The following DISP3 variants were observed in gnomAD, a reference collection of about 807,000 sequenced individuals.
DISP3 encodes dispatched RND transporter family member 3.
DISP3 carries 101 observed loss-of-function variants against 135.3 expected under a neutral mutation model. That is an observed-to-expected ratio of 0.75 (90% CI 0.64 to 0.88). The LOEUF (loss-of-function observed/expected upper bound fraction) is 0.88. Among genes scored for constraint, DISP3 ranks in the 40% least tolerant of loss-of-function variants. The pLI is 0.00. For synonymous variants in DISP3, 856 were observed against 817.0 expected (o/e 1.05, Z -0.81); for missense variants, 1,713 against 1,878.6 (o/e 0.91, Z 1.63).
chr1:11,529,588 C>T lies in DISP3; in HGVS notation c.2831C>T (p.Pro944Leu). 2 of 1,598,762 alleles carry T rather than the reference C, an allele frequency of 1.3e-6. No individual in the cohort carries two copies. Among genetic ancestry groups the T allele is most frequent in the Non-Finnish European group, 1.7e-6 (2 of 1,169,342 alleles). ...TACTTCGCCCAGTCCCACAAGCCCC[C>T]CTTCCACGGGCGCGTATGCATGGCA... ...KLYFAQSHKPPFHGRVCMAPP... is the reference protein window; with the variant it reads ...KLYFAQSHKPLFHGRVCMAPP... The change falls in exon 14 of 21, where the codon CCC becomes CTC. Residue 944 changes from proline to leucine, a missense_variant. Pro to Leu is a moderately conservative substitution (Grantham distance 98). Coordinates refer to ENST00000294484, the MANE Select transcript of DISP3 (RefSeq NM_020780.2). The surrounding 1 kb of genome is among the most constrained non-coding windows in gnomAD (Gnocchi z 4.7).
chr1:11,502,077 C>T lies in DISP3; in HGVS notation c.1085C>T (p.Ala362Val), dbSNP rs1641555690. ...IYYDGMGQDL[A>V]DIRGSLELAM... ...TATGACGGCATGGGCCAGGACCTGG[C>T]GGACATCCGGGGTGAGCCGCCGGGA... Residue 362 changes from alanine to valine, a missense_variant, in exon 2 of 21, where the codon GCG becomes GTG. Physicochemically the swap from Ala to Val is moderately conservative, Grantham distance 64. Transcript: ENST00000294484. 5.1e-6 allele frequency: 8 copies of T among 1,561,216 alleles called. No individual in the cohort carries two copies. The highest frequency in any genetic ancestry group is 2.4e-5 in the South Asian group (2 of 83,924).
In DISP3 at chr1:11,526,726, G is replaced by C; in HGVS notation, c.2689G>C (p.Ala897Pro). ...GTCTACAGTAGGGCTGCTCCAGGCGGCGAGCCCCTCCCGCAAGTGGATGCT... is the reference window on the plus strand; with the variant it reads ...GTCTACAGTAGGGCTGCTCCAGGCGCCGAGCCCCTCCCGCAAGTGGATGCT... ...CMSTVGLLQA[A>P]SPSRKWMLTT... Residue 897 changes from alanine to proline, a missense_variant, in exon 13 of 21, where the codon GCG becomes CCG. This residue lies in a region of DISP3 where 1,142 missense variants were observed against 1,384.6 expected (regional missense o/e 0.82). Coordinates refer to ENST00000294484, the MANE Select transcript of DISP3 (RefSeq NM_020780.2). 1.2e-6 allele frequency: 2 copies of C among 1,614,028 alleles called. No homozygotes were observed. The highest frequency in any genetic ancestry group is 1.7e-6 in the Non-Finnish European group (2 of 1,180,036).
At chr1:11,528,339 T>C (rs563326854) in intron 13 of DISP3, among the ~76,000 whole-genome samples, 13 of 152,124 alleles carry the variant, frequency 8.5e-5, no homozygotes, top group Non-Finnish European at 1.9e-4. Flanking sequence ...GGGGCACCTT[T>C]TCTGGGGTTT....
rs749898545 is a variant in DISP3 at position 11,519,933 on chromosome 1, A to G, written c.2200+53A>G. On this transcript the variant is annotated intron_variant, in intron 9 of 20. Coordinates refer to ENST00000294484, the MANE Select transcript of DISP3 (RefSeq NM_020780.2). The surrounding 1 kb of genome is among the most constrained non-coding windows in gnomAD (Gnocchi z 4.3). The stretch of plus-strand genomic sequence containing the variant: ...TGTCTCACAGCTCCACCCCCAAAAC[A>G]CACAGGAACTGGGAGCCCACCCCCT... The G allele has an allele frequency of 2.1e-4, 329 of 1,531,130 alleles. 2 individuals are homozygous for G. Among genetic ancestry groups the G allele is most frequent in the Non-Finnish European group, 2.8e-4 (313 of 1,130,244 alleles). 94.8% of individuals were successfully genotyped at this position (1,531,130 alleles called of 1,614,324 possible). A position where few individuals can be genotyped will look rare whatever the true frequency, so the allele number is the denominator to read the frequency against.
intron 3 of DISP3, among the ~76,000 whole-genome samples, chr1:11,510,386 A>G (rs1427354296): frequency 6.6e-6 from 1 of 152,058 alleles, no homozygotes; most frequent in African/African-American, 2.4e-5. Context: ...ATTACAGTGT[A>G]TCTTCAAATG....
chr1:11,493,858 C>T (rs908440027), intron 1 of DISP3, among the ~76,000 whole-genome samples: 5 of 152,214 alleles, frequency 3.3e-5, no homozygotes, highest in African/African-American at 1.2e-4. Context: ...ACCCATGACC[C>T]ATTGAAGGGA....
At chr1:11,513,497 TCTGCTGTCAGC>T (rs1160118533) in intron 3 of DISP3, among the ~76,000 whole-genome samples, 3 of 152,168 alleles carry the variant, frequency 2.0e-5, no homozygotes, top group Admixed American at 2.0e-4. Flanking sequence ...TAATGGGAAG[TCTGCTGTCAGC>T]CTTGTCTTTG....
intron 3 of DISP3, among the ~76,000 whole-genome samples, chr1:11,509,526 A>T (rs548304454): frequency 2.0e-5 from 3 of 152,202 alleles, no homozygotes; most frequent in Admixed American, 2.0e-4. Context: ...GGCATTGTCT[A>T]TTTCTTTTTT....
intron 17 of DISP3, among the ~76,000 whole-genome samples, chr1:11,533,253 C>CTTTTTTT (rs70983563): frequency 9.6e-6 from 1 of 103,978 alleles, no homozygotes; most frequent in Non-Finnish European, 2.0e-5. Context: ...GTGACTGTTT[C>CTTTTTTT]TTTTTTTTTT....
At chr1:11,518,277 G>A (rs760007749) in intron 7 of DISP3, among the ~76,000 whole-genome samples, 2 of 152,184 alleles carry the variant, frequency 1.3e-5, no homozygotes, top group East Asian at 1.9e-4. Flanking sequence ...ATGTCCGCTC[G>A]CCCATGGTGA....
At position 11,520,369 on chromosome 1, in the gene DISP3, G is replaced by A. The variant is rs1299395178; in HGVS notation, c.2201-318G>A. ...TTGTCATCTTCGACACTATTTCAGA[G>A]TTGTGTGAGATCAAGTAGTGCACCA... On this transcript the variant is annotated intron_variant, in intron 9 of 20. Transcript: ENST00000294484. The surrounding 1 kb of genome is among the most constrained non-coding windows in gnomAD (Gnocchi z 4.8). Among the ~76,000 whole-genome samples the A allele has an allele frequency of 6.6e-6, 1 of 152,170 alleles. No individual in the cohort carries two copies. Among genetic ancestry groups the A allele is most frequent in the Non-Finnish European group, 1.5e-5 (1 of 68,016 alleles).
At chr1:11,524,632 CCCCACCATCCCTCCTACCCCATCCCTGTG>C (rs1642355145) in intron 11 of DISP3, among the ~76,000 whole-genome samples, 1 of 147,826 alleles carries the variant, frequency 6.8e-6, no homozygotes, top group Non-Finnish European at 1.5e-5. Flanking sequence ...CCACGACCTC[CCCCACCATCCCTCCTACCCCATCCCTGTG>C]CCCACCATCC....
intron 4 of DISP3, 74 bp downstream of exon 4, chr1:11,514,600 A>G: frequency 6.6e-7 from 1 of 1,519,026 alleles, no homozygotes; most frequent in Non-Finnish European, 9.1e-7. Flanking sequence ...TGCCTTCTCA[A>G]GAATGCTGCA....
At chr1:11,486,427 G>A (rs1641037971) in intron 1 of DISP3, among the ~76,000 whole-genome samples, 1 of 152,148 alleles carries the variant, frequency 6.6e-6, no homozygotes, top group Admixed American at 6.6e-5. Context: ...CTGGGAAAAG[G>A]CTGGCTGAGA....
rs1402930179 is a variant in DISP3 at position 11,499,628 on chromosome 1, T to TC, written c.-3-1357dup. On this transcript the variant is annotated intron_variant, in intron 1 of 20. Coordinates refer to ENST00000294484, the MANE Select transcript of DISP3 (RefSeq NM_020780.2). The surrounding 1 kb of genome is among the most constrained non-coding windows in gnomAD (Gnocchi z 5.2). ...AGTCTTCCGCTGCGCACCCCTCCTC[T>TC]CCCCCACATCCTCAGTCATTCTTCC... Among the ~76,000 whole-genome samples, 1 of 151,930 alleles carries TC rather than the reference T, an allele frequency of 6.6e-6. No individual in the cohort carries two copies. Among genetic ancestry groups the TC allele is most frequent in the Non-Finnish European group, 1.5e-5 (1 of 67,982 alleles).
rs778135749 is a variant in DISP3, at chr1:11,501,662, C to A, written c.670C>A (p.Gln224Lys). ...AANQSEDPRNQRLSKNGRYQP... is the reference protein window; with the variant it reads ...AANQSEDPRNKRLSKNGRYQP... ...CAACCAGAGTGAAGACCCGCGAAAC[C>A]AGCGGCTGAGCAAGAATGGGCGGTA... Residue 224 changes from glutamine to lysine, a missense_variant, in exon 2 of 21, where the codon CAG becomes AAG. Transcript: ENST00000294484. This position sits in a 1 kb window ranked among gnomAD's most constrained non-coding sequence, Gnocchi z 4.9. The A allele has an allele frequency of 1.2e-6, 2 of 1,608,484 alleles. No homozygotes were observed. Among genetic ancestry groups the A allele is most frequent in the Non-Finnish European group, 1.7e-6 (2 of 1,178,116 alleles).
chr1:11,479,565 C>T (rs113875216), intron 1 of DISP3, among the ~76,000 whole-genome samples, 193 bp downstream of exon 1: 2,304 of 152,322 alleles, frequency 0.015, 57 homozygotes, highest in African/African-American at 0.052. Context: ...CAGGGGTGGA[C>T]AGAACCCAAG....
intron 1 of DISP3, among the ~76,000 whole-genome samples, chr1:11,487,635 C>A (rs1173911437): frequency 6.6e-6 from 1 of 152,242 alleles, no homozygotes; most frequent in Non-Finnish European, 1.5e-5. Context: ...GGCTTCACCT[C>A]CTCCAGCTGC....
intron 1 of DISP3, among the ~76,000 whole-genome samples, chr1:11,492,425 A>G (rs1049465081): frequency 1.3e-5 from 2 of 152,104 alleles, no homozygotes; most frequent in East Asian, 3.9e-4. Flanking sequence ...GTCAGCGCCC[A>G]TAGTTTCCTC....
Sources: gnomAD v4.1 joint callset for allele counts (sites outside exome capture counted in the v4.1 genomes callset) on GRCh38, gnomAD v4.1.1 for gene constraint, gnomAD v4.1.1 regional missense constraint, Gnocchi (gnomAD v3.1) non-coding constraint, MANE v1.5 for transcripts, NCBI Gene and HGNC (gene_info 2026-07-23, HGNC 2026-07-21) for gene names.